Variants in WDR47 observed in about 807,000 individuals in gnomAD.
The protein encoded by WDR47 is WD repeat-containing protein 47.
Under a neutral mutation model 97.2 loss-of-function variants are expected in WDR47, and 32 were observed. The ratio of observed to expected loss-of-function variants is 0.33; its 90% confidence interval spans 0.25 to 0.44. The LOEUF (loss-of-function observed/expected upper bound fraction) is 0.44. WDR47 is among the 20% of genes least tolerant of loss of function. The pLI is 1.00. For synonymous variants in WDR47, 375 were observed against 373.5 expected, an observed-to-expected ratio of 1.00 and a Z score of -0.05; for missense variants, 782 against 1,102.3, an observed-to-expected ratio of 0.71 and a Z score of 4.11.
At chr1:109,036,555 G>T (rs1370145783) in intron 1 of WDR47, among the ~76,000 whole-genome samples, 1 of 123,078 alleles carries the variant, frequency 8.1e-6, no homozygotes, top group African/African-American at 3.0e-5. Flanking sequence ...AAAAAACATA[G>T]TCCAGGCGCG....
rs1242046105 is a variant in WDR47 at position 109,027,149 on chromosome 1, G to C, written c.-9-3628C>G. 5.3e-5 allele frequency among the ~76,000 whole-genome samples: 8 copies of C among 151,978 alleles called. No homozygotes were observed. In the East Asian group the frequency reaches 1.5e-3, roughly 29 times the overall value. ...GGCTGGCTGCAACCTCCGCCTCCCA[G>C]GTTCAAGCAATTCTCTTGCCTCAGC... On this transcript the variant is annotated intron_variant, in intron 1 of 14. Transcript: ENST00000369962.
chr1:108,997,739 A>G (rs1659864910), intron 7 of WDR47, among the ~76,000 whole-genome samples: 1 of 146,850 alleles, frequency 6.8e-6, no homozygotes, highest in African/African-American at 2.5e-5. Flanking sequence ...CAGCCTGGGC[A>G]ACAGAGCAAG....
At chr1:108,981,241 T>C (rs1039253222) in intron 13 of WDR47, among the ~76,000 whole-genome samples, 1 of 152,052 alleles carries the variant, frequency 6.6e-6, no homozygotes, top group African/African-American at 2.4e-5. Flanking sequence ...ACCATTTGTG[T>C]GTGTGTGTGT....
chr1:109,000,417 G>A (rs1660091186), intron 7 of WDR47, among the ~76,000 whole-genome samples: 1 of 148,058 alleles, frequency 6.8e-6, no homozygotes, highest in African/African-American at 2.5e-5. Flanking sequence ...GCTGAGGCAG[G>A]AGAACCGCTT....
At position 109,023,350 on chromosome 1, in the gene WDR47, C is replaced by A. The variant is rs745815843; in HGVS notation, c.158+5G>T. On this transcript the variant is annotated splice_donor_5th_base_variant and intron_variant, in intron 2 of 14. Coordinates refer to ENST00000369962, the MANE Select transcript of WDR47 (RefSeq NM_001142551.2). ...TACAAACTTCACAGTATAATGAAAT[C>A]ATACCTCAGGAAAAGCATATCATCT... 2 of 1,612,568 alleles carry A rather than the reference C, an allele frequency of 1.2e-6. No individual in the cohort carries two copies. The highest frequency in any genetic ancestry group is 2.7e-5 in the African/African-American group (2 of 74,934).
chr1:109,022,647 C>T (rs569803225), intron 2 of WDR47, among the ~76,000 whole-genome samples: 26 of 152,200 alleles, frequency 1.7e-4, no homozygotes, highest in South Asian at 1.5e-3. Context: ...TGCAACGGTG[C>T]GATCTCAGCT....
chr1:109,037,335 AAAAAAAC>A (rs1384416619), intron 1 of WDR47, among the ~76,000 whole-genome samples: 1 of 149,526 alleles, frequency 6.7e-6, no homozygotes, highest in African/African-American at 2.5e-5. Context: ...GTCTAAAAAA[AAAAAAAC>A]AAAAAACAAA....
chr1:109,012,143 T>C (rs1661075270), intron 4 of WDR47, among the ~76,000 whole-genome samples: 1 of 152,092 alleles, frequency 6.6e-6, no homozygotes, highest in South Asian at 2.1e-4. Context: ...ACGGTAAGAA[T>C]TTTTTTTCTA....
chr1:108,985,926 T>C (rs1658754551), intron 10 of WDR47, among the ~76,000 whole-genome samples: 1 of 149,922 alleles, frequency 6.7e-6, no homozygotes, highest in African/African-American at 2.5e-5. Context: ...AATCATTAAA[T>C]GCTACCACAG....
At chr1:108,978,048 A>C (rs1205075104) in intron 13 of WDR47, among the ~76,000 whole-genome samples, 15 of 151,942 alleles carry the variant, frequency 9.9e-5, no homozygotes, top group Admixed American at 9.8e-4. Context: ...TTTTACACTG[A>C]AACTATACTT....
intron 4 of WDR47, 43 bp from the exon 5 acceptor site, chr1:109,011,761 C>CA: frequency 6.6e-7 from 1 of 1,507,380 alleles, no homozygotes; most frequent in Non-Finnish European, 8.9e-7. Flanking sequence ...CTATAAAAAA[C>CA]ATGCTATGAA....
intron 3 of WDR47, among the ~76,000 whole-genome samples, 159 bp downstream of exon 3, chr1:109,017,359 T>G (rs1001676879): frequency 6.6e-6 from 1 of 152,168 alleles, no homozygotes; most frequent in Non-Finnish European, 1.5e-5. Context: ...GCTGTGATCA[T>G]GCCACCACAC....
intron 2 of WDR47, among the ~76,000 whole-genome samples, chr1:109,019,339 C>A (rs1212640547): frequency 6.8e-6 from 1 of 147,814 alleles, no homozygotes; most frequent in African/African-American, 2.5e-5. Flanking sequence ...GCCGAAGTCA[C>A]GCCACTGCAG....
Position 108,973,931 on chromosome 1 carries a change from C to T in WDR47, c.2617+605G>A, listed in dbSNP as rs954856201. 3.3e-5 allele frequency among the ~76,000 whole-genome samples: 5 copies of T among 151,142 alleles called. No homozygotes were observed. The East Asian group carries it at 9.8e-4, about 30-fold the overall frequency. The stretch of plus-strand genomic sequence containing the variant: ...CAATAAGGTTGGGCATGATGGCTCA[C>T]GCCTATAATCCCAGCACTCTGGGAG... On this transcript the variant is annotated intron_variant, in intron 14 of 14. Transcript: ENST00000369962.
chr1:109,008,668 T>C (rs963567557), intron 5 of WDR47, among the ~76,000 whole-genome samples: 1 of 152,014 alleles, frequency 6.6e-6, no homozygotes, highest in African/African-American at 2.4e-5. Flanking sequence ...AGTGCAGTGG[T>C]GCGATCTAGG....
intron 8 of WDR47, among the ~76,000 whole-genome samples, chr1:108,993,282 C>T (rs563718683): frequency 2.8e-4 from 43 of 151,306 alleles, no homozygotes; most frequent in Non-Finnish European, 4.7e-4. Context: ...GCCAAGATTG[C>T]GCCACTGCAC....
chr1:109,001,930 TAG>T (rs1660231446), intron 7 of WDR47, among the ~76,000 whole-genome samples: 1 of 150,934 alleles, frequency 6.6e-6, no homozygotes, highest in Non-Finnish European at 1.5e-5. Context: ...TAAAAAGAAC[TAG>T]AGTGACTTCC....
At chr1:108,987,124 C>A in intron 9 of WDR47, 1 of 192,950 alleles carries the variant, frequency 5.2e-6, no homozygotes. Context: ...CCATAGATCC[C>A]TTAGCCCTCC....
intron 8 of WDR47, among the ~76,000 whole-genome samples, chr1:108,993,359 G>A (rs530859771): frequency 2.2e-4 from 33 of 152,072 alleles, no homozygotes; most frequent in African/African-American, 8.0e-4. Flanking sequence ...AATCAAGATG[G>A]CATCAGACTT....
Sources: allele counts gnomAD v4.1 joint callset (sites outside exome capture counted in the v4.1 genomes callset), GRCh38; gene constraint gnomAD v4.1.1; transcripts MANE v1.5; gene names NCBI Gene and HGNC (gene_info 2026-07-23, HGNC 2026-07-21).